Variants in AFM observed in about 807,000 individuals in gnomAD.
The protein encoded by AFM is alpha-Alb.
AFM carries 82 observed loss-of-function variants against 68.7 expected under a neutral mutation model. That is an observed-to-expected ratio of 1.19 (90% CI 1.00 to 1.43). The LOEUF (loss-of-function observed/expected upper bound fraction) is 1.43. AFM is among the 40% of genes most tolerant of loss of function. AFM has a pLI of 0.00. For synonymous variants in AFM, 250 were observed against 234.2 expected (o/e 1.07, Z -0.61); for missense variants, 772 against 701.8 (o/e 1.10, Z -1.13).
intron 12 of AFM, among the ~76,000 whole-genome samples, chr4:73,500,644 A>C (rs1721401889): frequency 1.3e-5 from 2 of 152,196 alleles, no homozygotes; most frequent in Non-Finnish European, 2.9e-5. Flanking sequence ...AATTAGACCT[A>C]GTTTTTTGGA....
At chr4:73,497,887 C>A in intron 10 of AFM, 138 bp downstream of exon 10, 1 of 485,078 alleles carries the variant, frequency 2.1e-6, no homozygotes, top group South Asian at 3.8e-5. Context: ...TTTTTAAAGT[C>A]AAGAATGCCT....
In AFM at chr4:73,482,668, T is replaced by G. The variant is rs534731417; in HGVS notation, c.88+805T>G. Among the ~76,000 whole-genome samples the G allele has an allele frequency of 8.5e-5, 13 of 152,354 alleles. No individual in the cohort carries two copies. In the South Asian group the frequency reaches 2.5e-3, roughly 29 times the overall value. ...AATATCTTTTGTATCTATATTTTCC[T>G]TTTCATTTCCATTACTCCTACCAAA... is the stretch of plus-strand genomic sequence containing the variant. On this transcript the variant is annotated intron_variant, in intron 1 of 14. Coordinates refer to ENST00000226355, the MANE Select transcript of AFM (RefSeq NM_001133.2).
intron 2 of AFM, 93 bp from the exon 3 acceptor site, chr4:73,484,165 C>T: frequency 6.7e-7 from 1 of 1,482,214 alleles, no homozygotes; most frequent in Non-Finnish European, 9.0e-7. Flanking sequence ...AGATAATTTC[C>T]TGAGGCTAGT....
intron 14 of AFM, among the ~76,000 whole-genome samples, chr4:73,503,539 T>C (rs1285953196): frequency 1.3e-5 from 2 of 152,140 alleles, no homozygotes; most frequent in African/African-American, 2.4e-5. Context: ...TTTACTGAGA[T>C]ATGATTCACA....
In AFM at chr4:73,499,991, C is replaced by T. The variant is rs374765601; in HGVS notation, c.1423-13C>T. 8.8e-5 allele frequency: 142 copies of T among 1,609,620 alleles called. No homozygotes were observed. Among genetic ancestry groups the T allele is most frequent in the Admixed American group, 1.3e-4 (8 of 59,836 alleles). On this transcript the variant is annotated splice_polypyrimidine_tract_variant and intron_variant, in intron 11 of 14. Coordinates refer to ENST00000226355, the MANE Select transcript of AFM (RefSeq NM_001133.2). ...TTAAGATCGTATCTCAGTTGCAACTCTTGTTGGTACAGGCAGATTTAGTTT... is the reference window on the plus strand; with the variant it reads ...TTAAGATCGTATCTCAGTTGCAACTTTTGTTGGTACAGGCAGATTTAGTTT...
intron 5 of AFM, 94 bp downstream of exon 5, chr4:73,487,193 C>T (rs996462820): frequency 3.0e-6 from 4 of 1,355,512 alleles, no homozygotes; most frequent in Admixed American, 2.1e-5. Context: ...GGCTTGCTTA[C>T]CATATATGAT....
At chr4:73,493,676 C>CTTA (rs1721164762) in intron 8 of AFM, among the ~76,000 whole-genome samples, 1 of 152,082 alleles carries the variant, frequency 6.6e-6, no homozygotes, top group Non-Finnish European at 1.5e-5. Flanking sequence ...GTAATTTACC[C>CTTA]GAAGTCACAC....
intron 8 of AFM, among the ~76,000 whole-genome samples, chr4:73,493,060 G>C (rs1186377369): frequency 1.3e-5 from 2 of 152,098 alleles, no homozygotes; most frequent in Non-Finnish European, 2.9e-5. Context: ...CCCTGGAAAG[G>C]CTTAATAGGG....
chr4:73,488,852 A>G (rs1379884123), intron 7 of AFM, 93 bp downstream of exon 7: 2 of 1,216,572 alleles, frequency 1.6e-6, no homozygotes, highest in Non-Finnish European at 2.3e-6. Flanking sequence ...TTACTTTGCC[A>G]CAATGAAATC....
intron 7 of AFM, 24 bp from the exon 8 acceptor site, chr4:73,491,848 A>C (rs777010462): frequency 6.3e-7 from 1 of 1,594,164 alleles, no homozygotes; most frequent in Admixed American, 1.7e-5. Context: ...AAGTAAAATA[A>C]TCTCTCATTC....
intron 11 of AFM, 29 bp downstream of exon 11, chr4:73,499,275 C>CTTTT: frequency 2.5e-6 from 3 of 1,222,016 alleles, no homozygotes; most frequent in Non-Finnish European, 3.2e-6. Context: ...CCAGACTACT[C>CTTTT]TTTTTTTTTT....
chr4:73,498,005 G>A (rs1721305114), intron 10 of AFM, among the ~76,000 whole-genome samples: 1 of 152,116 alleles, frequency 6.6e-6, no homozygotes, highest in South Asian at 2.1e-4. Context: ...TTTGACATTG[G>A]CTTTCTCACT....
chr4:73,498,360 AC>A (rs1345150486), intron 10 of AFM, among the ~76,000 whole-genome samples: 4 of 152,076 alleles, frequency 2.6e-5, no homozygotes, highest in African/African-American at 9.7e-5. Context: ...ATCTCAGCTC[AC>A]TGCAATCTCT....
At position 73,501,773 on chromosome 4, in the gene AFM, T is replaced by A. The variant is rs756471428; in HGVS notation, c.1647-14T>A. On this transcript the variant is annotated splice_polypyrimidine_tract_variant and intron_variant, in intron 12 of 14. Transcript: ENST00000226355. ...AAGCGTTAATTAATTTTATTTGACA[T>A]CTTTTGGCCACAGGTTTCTTGTCAA... The A allele has an allele frequency of 3.1e-6, 5 of 1,606,540 alleles. No homozygotes were observed. Among genetic ancestry groups the A allele is most frequent in the Non-Finnish European group, 4.2e-6 (5 of 1,176,780 alleles).
At position 73,487,050 on chromosome 4, in the gene AFM, C is replaced by T. The variant is rs1267230574; in HGVS notation, c.566C>T (p.Ala189Val). ...LTVAVHFEEV[A>V]KSCCEEQNKV... ...GTTGCTGTTCATTTTGAGGAGGTGG[C>T]CAAATCATGTTGTGAAGAACAAAAC... Residue 189 changes from alanine to valine, a missense_variant, in exon 5 of 15, where the codon GCC (alanine) becomes GTC (valine). Ala to Val is a moderately conservative substitution (Grantham distance 64). Coordinates refer to ENST00000226355, the MANE Select transcript of AFM (RefSeq NM_001133.2). The T allele has an allele frequency of 1.6e-5, 26 of 1,613,966 alleles. No homozygotes were observed. The highest frequency in any genetic ancestry group is 2.2e-5 in the Non-Finnish European group (26 of 1,179,942).
Position 73,499,178 on chromosome 4 carries a change from G to A in AFM, c.1354G>A (p.Glu452Lys), listed in dbSNP as rs769742032. The change falls in exon 11 of 15, where the codon GAG becomes AAG. Residue 452 changes from glutamate (E) to lysine (K), a missense_variant. By Grantham distance (56) the Glu-to-Lys change is moderately conservative (BLOSUM62 1). Transcript: ENST00000226355. Reference sequence around the variant, plus strand: ...CACTGAAGAACTGGTGTCTCTTGGCGAGAAAATGGTGACAGCTTTCACTAC... The same window carrying A: ...CACTGAAGAACTGGTGTCTCTTGGCAAGAAAATGGTGACAGCTTTCACTAC... ...LSTEELVSLG[E>K]KMVTAFTTCC... is the part of the protein sequence containing the mutation. The A allele has an allele frequency of 2.0e-5, 33 of 1,613,078 alleles. No individual in the cohort carries two copies. In the Admixed American group the frequency reaches 2.7e-4, roughly 13 times the overall value.
chr4:73,497,622 G>A (rs375547828), intron 9 of AFM, 30 bp from the exon 10 acceptor site: 29 of 1,422,474 alleles, frequency 2.0e-5, no homozygotes, highest in South Asian at 3.6e-5. Flanking sequence ...TAGATAAAAT[G>A]TTTGTAACCA....
chr4:73,486,868 T>C lies in AFM; in HGVS notation c.483-99T>C, dbSNP rs1720914308. The C allele has an allele frequency of 2.5e-6, 3 of 1,191,848 alleles. No homozygotes were observed. The South Asian group carries it at 4.8e-5, about 19-fold the overall frequency. The allele number at this position is 1,191,848 out of a possible 1,614,324, so 73.8% of individuals were successfully genotyped here. A position where few individuals can be genotyped will look rare whatever the true frequency, so the allele number is the denominator to read the frequency against. On this transcript the variant is annotated intron_variant, in intron 4 of 14. Coordinates refer to ENST00000226355, the MANE Select transcript of AFM (RefSeq NM_001133.2). ...TCTATTTTTTCTTTTCCTTCCCATC[T>C]TACCCTCCCTTCCCTTCCCTTCCCT...
At chr4:73,486,160 G>A in intron 4 of AFM, 87 bp downstream of exon 4, 1 of 1,113,328 alleles carries the variant, frequency 9.0e-7, no homozygotes, top group Non-Finnish European at 1.3e-6. Context: ...ATATGGCTGG[G>A]TTCATTAATT....
Sources: gnomAD v4.1 joint callset for allele counts (sites outside exome capture counted in the v4.1 genomes callset) on GRCh38, gnomAD v4.1.1 for gene constraint, MANE v1.5 for transcripts, NCBI Gene and HGNC (gene_info 2026-07-23, HGNC 2026-07-21) for gene names.